The following CEP85L variants were observed in gnomAD, a reference collection of about 807,000 sequenced individuals.
CEP85L encodes centrosomal protein 85L.
Under a neutral mutation model 100.3 loss-of-function variants are expected in CEP85L, and 60 were observed. The observed-to-expected ratio is 0.60, with a 90% CI of 0.49 to 0.74. The LOEUF (loss-of-function observed/expected upper bound fraction) is 0.74, where lower values mean the gene tolerates loss of function less well. Among genes scored for constraint, CEP85L ranks in the 30% least tolerant of loss-of-function variants. CEP85L has a pLI of 0.00. For missense variants in CEP85L, 973 were observed against 936.2 expected (o/e 1.04, Z -0.51); for synonymous variants, 319 against 322.7 (o/e 0.99, Z 0.12).
chr6:118,596,204 A>C (rs553707869), intron 2 of CEP85L, among the ~76,000 whole-genome samples: 2 of 151,674 alleles, frequency 1.3e-5, no homozygotes, highest in East Asian at 3.9e-4. Context: ...AGACCAAAGG[A>C]TAAAAAACAT....
chr6:118,648,284 T>G, intron 1 of CEP85L, among the ~76,000 whole-genome samples: 1 of 152,154 alleles, frequency 6.6e-6, no homozygotes, highest in East Asian at 1.9e-4. Flanking sequence ...CTCATTTTAT[T>G]TTTGGTTTAT....
intron 1 of CEP85L, among the ~76,000 whole-genome samples, chr6:118,681,889 C>A (rs904669840): frequency 6.6e-6 from 1 of 151,890 alleles, no homozygotes; most frequent in African/African-American, 2.4e-5. Context: ...TACAGGCATG[C>A]CACCATGCTT....
chr6:118,491,125 T>C (rs977147138), intron 6 of CEP85L, among the ~76,000 whole-genome samples: 3 of 151,824 alleles, frequency 2.0e-5, no homozygotes, highest in East Asian at 3.9e-4. Context: ...CTGTTTTCCA[T>C]AGTTGTTGTA....
intron 2 of CEP85L, among the ~76,000 whole-genome samples, chr6:118,617,510 C>T (rs1300726819): frequency 1.3e-5 from 2 of 152,178 alleles, no homozygotes; most frequent in East Asian, 3.8e-4. Flanking sequence ...TTCTCAAAAT[C>T]TAAAGCATGT....
chr6:118,548,174 C>T (rs927896596), intron 3 of CEP85L: 2 of 152,054 alleles, frequency 1.3e-5, no homozygotes, highest in African/African-American at 4.8e-5. Flanking sequence ...GTAAGAAGTT[C>T]TAAAGTTTGG....
intron 3 of CEP85L, among the ~76,000 whole-genome samples, chr6:118,557,820 G>A (rs558770387): frequency 1.4e-4 from 22 of 152,306 alleles, no homozygotes; most frequent in Admixed American, 2.0e-4. Flanking sequence ...AGATCCCACC[G>A]TATTTGAATT....
At chr6:118,489,265 C>T (rs1343726496) in intron 6 of CEP85L, among the ~76,000 whole-genome samples, 1 of 87,938 alleles carries the variant, frequency 1.1e-5, no homozygotes, top group Non-Finnish European at 2.2e-5. Flanking sequence ...GTGCAAAGCT[C>T]TGTCTCAAAA....
intron 3 of CEP85L, among the ~76,000 whole-genome samples, chr6:118,551,508 C>T (rs951567630): frequency 2.0e-5 from 3 of 151,918 alleles, no homozygotes; most frequent in Admixed American, 2.0e-4. Flanking sequence ...TGTAAATACA[C>T]TTGTAAAGCA....
intron 2 of CEP85L, among the ~76,000 whole-genome samples, chr6:118,597,577 TACTC>T (rs371151500): frequency 1.2e-4 from 19 of 152,348 alleles, no homozygotes; most frequent in African/African-American, 4.6e-4. Context: ...TTTGATGAAT[TACTC>T]AGTGAGAAAA....
At chr6:118,491,081 A>C (rs952147596) in intron 6 of CEP85L, among the ~76,000 whole-genome samples, 6 of 152,010 alleles carry the variant, frequency 3.9e-5, no homozygotes, top group African/African-American at 1.4e-4. Flanking sequence ...CTCTACTTTT[A>C]GTTGTTTAAG....
rs994386295 is a variant in CEP85L at position 118,538,979 on chromosome 6, T to C, written c.1021-15059A>G. ...ATCTATGAAACTGAAATAAAAGAAG[T>C]TTATCAAAATGAAGTACTTAATACA... On this transcript the variant is annotated intron_variant, in intron 3 of 12. Transcript: ENST00000368491. 9.2e-5 allele frequency among the ~76,000 whole-genome samples: 14 copies of C among 152,168 alleles called. No homozygotes were observed. In the East Asian group the frequency reaches 2.5e-3, roughly 27 times the overall value.
chr6:118,529,738 G>A (rs1777186205), intron 3 of CEP85L, among the ~76,000 whole-genome samples: 1 of 151,650 alleles, frequency 6.6e-6, no homozygotes, highest in Non-Finnish European at 1.5e-5. Context: ...TAGCAACTTT[G>A]AGTATACATA....
intron 10 of CEP85L, among the ~76,000 whole-genome samples, chr6:118,476,168 A>G (rs887083269): frequency 2.0e-4 from 31 of 152,252 alleles, no homozygotes; most frequent in African/African-American, 6.3e-4. Flanking sequence ...AGTTAAATCC[A>G]CCTTTTACAC....
At chr6:118,466,543 C>T (rs1056884625) in intron 12 of CEP85L, among the ~76,000 whole-genome samples, 2 of 152,122 alleles carry the variant, frequency 1.3e-5, no homozygotes, top group African/African-American at 4.8e-5. Flanking sequence ...GTAACAGTTG[C>T]TTGTTCACTG....
chr6:118,535,231 C>G (rs781328327), intron 3 of CEP85L, among the ~76,000 whole-genome samples: 9 of 152,020 alleles, frequency 5.9e-5, no homozygotes, highest in Non-Finnish European at 1.2e-4. Context: ...TTATAACATG[C>G]AACAACATGG....
At chr6:118,541,589 CTG>C (rs1206986503) in intron 3 of CEP85L, among the ~76,000 whole-genome samples, 2 of 152,160 alleles carry the variant, frequency 1.3e-5, no homozygotes. Flanking sequence ...AGAGGGCTAA[CTG>C]TGTAACTGAA....
intron 3 of CEP85L, among the ~76,000 whole-genome samples, chr6:118,533,731 A>G (rs1291468488): frequency 2.0e-5 from 3 of 152,218 alleles, no homozygotes; most frequent in Non-Finnish European, 4.4e-5. Flanking sequence ...CAATCCAGAC[A>G]TAGAGCTATA....
upstream of CEP85L, chr6:118,651,642 C>G: frequency 1.1e-6 from 1 of 933,484 alleles, no homozygotes. Context: ...CGCGAGGGGG[C>G]GGGGCCTCGG....
At chr6:118,609,782 T>C (rs180794006) in intron 2 of CEP85L, among the ~76,000 whole-genome samples, 2 of 149,832 alleles carry the variant, frequency 1.3e-5, no homozygotes, top group Admixed American at 1.3e-4. Context: ...AAAAAAAACG[T>C]AGGTGGAAAC....
Sources: gnomAD v4.1 joint callset for allele counts (sites outside exome capture counted in the v4.1 genomes callset) on GRCh38, gnomAD v4.1.1 for gene constraint, MANE v1.5 for transcripts, NCBI Gene and HGNC (gene_info 2026-07-23, HGNC 2026-07-21) for gene names.